The following DNAH1 variants were observed in gnomAD, a reference collection of about 807,000 sequenced individuals.
DNAH1 encodes dynein axonemal heavy chain 1.
A neutral mutation model predicts 484.3 loss-of-function variants in DNAH1; 327 were observed. The ratio of observed to expected loss-of-function variants is 0.68; its 90% CI spans 0.62 to 0.74. DNAH1 has a LOEUF of 0.74. DNAH1 is among the 30% of genes least tolerant of loss of function. DNAH1 has a pLI of 0.00. For synonymous variants in DNAH1, 2,192 were observed against 2,191.9 expected, an observed-to-expected ratio of 1.00 and a Z score of 0.00; for missense variants, 5,052 against 5,546.8, an observed-to-expected ratio of 0.91 and a Z score of 2.83.
rs1701186408 is a variant in DNAH1, at chr3:52,322,566, C to G, written c.124C>G (p.Leu42Val). ...RGLEYNPGKI[L>V]PGSDYGLGNP... ...CCTAGAGTATAACCCGGGGAAGATTCTTCCAGGATCAGACTATGGGTTGGG... is the reference window on the plus strand; with the variant it reads ...CCTAGAGTATAACCCGGGGAAGATTGTTCCAGGATCAGACTATGGGTTGGG... The change falls in exon 2 of 78, where the codon CTT becomes GTT. Residue 42 changes from leucine (L) to valine (V), a missense_variant. This residue lies in a region of DNAH1 where 1,263 missense variants were observed against 1,218.8 expected (regional missense o/e 1.04). Coordinates refer to ENST00000420323, the MANE Select transcript of DNAH1 (RefSeq NM_015512.5). 2.5e-6 allele frequency: 4 copies of G among 1,613,900 alleles called. No homozygotes were observed. The highest frequency in any genetic ancestry group is 3.4e-6 in the Non-Finnish European group (4 of 1,179,836).
rs530170074 is a variant in DNAH1, at chr3:52,364,693, A to C, written c.5300A>C (p.Asn1767Thr). The C allele has an allele frequency of 6.2e-7, 1 of 1,613,744 alleles. No individual in the cohort carries two copies. Among genetic ancestry groups the C allele is most frequent in the Non-Finnish European group, 8.5e-7 (1 of 1,179,782 alleles). The stretch of plus-strand genomic sequence containing the variant: ...AAAACTGTGATCTCGGCTGCTGGGA[A>C]CCTCAAGCGAGAAAACCCCAGCATG... ...AVKTVISAAGNLKRENPSMNE... is the reference protein window; with the variant it reads ...AVKTVISAAGTLKRENPSMNE... The change falls in exon 33 of 78, where the codon AAC becomes ACC. Residue 1767 changes from asparagine to threonine, a missense_variant. By Grantham distance (65) the Asn-to-Thr change is moderately conservative. This residue lies in a region of DNAH1 where 2,929 missense variants were observed against 3,409.4 expected (regional missense o/e 0.86). Coordinates refer to ENST00000420323, the MANE Select transcript of DNAH1 (RefSeq NM_015512.5). The surrounding 1 kb of genome is among the most constrained non-coding windows in gnomAD (Gnocchi z 4.2).
Position 52,382,377 on chromosome 3 carries a change from G to A in DNAH1, c.7863G>A (p.Trp2621Ter), listed in dbSNP as rs771789365. Reference sequence around the variant, plus strand: ...CCAAGAACTACGGCATGTCCGAGTGGCGAGATGATGTGAAGAAGGTCCTGC... The same window carrying A: ...CCAAGAACTACGGCATGTCCGAGTGACGAGATGATGTGAAGAAGGTCCTGC... ...ELSKNYGMSE[W>*]RDDVKKVLLK... Residue 2621 changes from tryptophan (W) to a stop codon, truncating the protein, a stop_gained, in exon 50 of 78, where the codon TGG (tryptophan) becomes TGA (stop). Transcript: ENST00000420323. LOFTEE classifies it high-confidence loss of function. 1 of 1,614,002 alleles carries A rather than the reference G, an allele frequency of 6.2e-7. No individual in the cohort carries two copies. The highest frequency in any genetic ancestry group is 8.5e-7 in the Non-Finnish European group (1 of 1,179,884).
At position 52,395,377 on chromosome 3, in the gene DNAH1, G is replaced by T; in HGVS notation, c.11038G>T (p.Gly3680Cys). Residue 3680 changes from glycine (G) to cysteine (C), a missense_variant, in exon 69 of 78, where the codon GGC (glycine) becomes TGC (cysteine). By Grantham distance (159) the Gly-to-Cys change is radical (BLOSUM62 -3). This residue lies in a region of DNAH1 where 853 missense variants were observed against 899.0 expected (regional missense o/e 0.95). Coordinates refer to ENST00000420323, the MANE Select transcript of DNAH1 (RefSeq NM_015512.5). The surrounding 1 kb of genome is among the most constrained non-coding windows in gnomAD (Gnocchi z 4.4). ...ACCCCTCATCTTTGTGCTGTCACCC[G>T]GCACAGACCCTGCTGCCGACCTCTA... Reference protein sequence around the residue: ...TTPLIFVLSPGTDPAADLYKF... With the variant: ...TTPLIFVLSPCTDPAADLYKF... 1 of 1,613,746 alleles carries T rather than the reference G, an allele frequency of 6.2e-7. No homozygotes were observed. The highest frequency in any genetic ancestry group is 1.7e-5 in the Admixed American group (1 of 59,998).
Position 52,396,759 on chromosome 3 carries a change from A to G in DNAH1, c.11572A>G (p.Lys3858Glu), listed in dbSNP as rs186366418. 9 of 1,613,642 alleles carry G rather than the reference A, an allele frequency of 5.6e-6. No homozygotes were observed. In the East Asian group the frequency reaches 6.7e-5, roughly 12 times the overall value. Reference sequence around the variant, plus strand: ...TCTGCGCATCTGCATCAGCCAGCTCAAGATGTTCCTGGACGAATATGATGA... The same window carrying G: ...TCTGCGCATCTGCATCAGCCAGCTCGAGATGTTCCTGGACGAATATGATGA... ...GDLRICISQL[K>E]MFLDEYDDIP... Residue 3858 changes from lysine to glutamate, a missense_variant, in exon 72 of 78, where the codon AAG becomes GAG. This residue lies in a region of DNAH1 where 853 missense variants were observed against 899.0 expected (regional missense o/e 0.95). Coordinates refer to ENST00000420323, the MANE Select transcript of DNAH1 (RefSeq NM_015512.5).
In DNAH1 at chr3:52,370,103, C is replaced by A; in HGVS notation, c.6139-7C>A. 1 of 1,613,980 alleles carries A rather than the reference C, an allele frequency of 6.2e-7. No homozygotes were observed. The highest frequency in any genetic ancestry group is 8.5e-7 in the Non-Finnish European group (1 of 1,179,876). Reference sequence around the variant, plus strand: ...AGCCATGAGAACTGGGTGCCTACTCCCTGCAGGAATCCATCTCCTTCGTTC... The same window carrying A: ...AGCCATGAGAACTGGGTGCCTACTCACTGCAGGAATCCATCTCCTTCGTTC... On this transcript the variant is annotated splice_polypyrimidine_tract_variant and splice_region_variant and intron_variant, in intron 38 of 77. Transcript: ENST00000420323.
intron 32 of DNAH1, 137 bp downstream of exon 32, chr3:52,363,281 T>G: frequency 4.2e-6 from 5 of 1,179,182 alleles, no homozygotes; most frequent in South Asian, 1.5e-5. Context: ...CAGCAACCCT[T>G]GGAGATAGGA....
At chr3:52,343,421 C>T (rs1349238628) in intron 8 of DNAH1, among the ~76,000 whole-genome samples, 1 of 152,000 alleles carries the variant, frequency 6.6e-6, no homozygotes, top group Non-Finnish European at 1.5e-5. Flanking sequence ...AAGATGGGGT[C>T]ATTTCTGTCC....
In DNAH1 at chr3:52,368,856, A is replaced by G. The variant is rs1275226781; in HGVS notation, c.5881A>G (p.Thr1961Ala). The change falls in exon 37 of 78, where the codon ACG becomes GCG. Residue 1961 changes from threonine (T) to alanine (A), a missense_variant. Transcript: ENST00000420323. This position sits in a 1 kb window ranked among gnomAD's most constrained non-coding sequence, Gnocchi z 4.4. ...TGCCATCTGGATTGAGAACATGAAC[A>G]CGGTGCTGGATGACAACAAGAAGCT... ...VDAIWIENMNTVLDDNKKLCL... is the reference protein window; with the variant it reads ...VDAIWIENMNAVLDDNKKLCL... 1 of 1,614,048 alleles carries G rather than the reference A, an allele frequency of 6.2e-7. No individual in the cohort carries two copies. The highest frequency in any genetic ancestry group is 1.7e-5 in the Admixed American group (1 of 60,032).
At position 52,388,303 on chromosome 3, in the gene DNAH1, A is replaced by G; in HGVS notation, c.9140A>G (p.His3047Arg). ...CQWVRAMHKY[H>R]FVAKAVEPKR... ...TGGGTGCGCGCCATGCACAAGTACC[A>G]CTTTGTGGCCAAGGCCGTGGAGCCC... The change falls in exon 57 of 78, where the codon CAC becomes CGC. Residue 3047 changes from histidine to arginine, a missense_variant. Physicochemically the swap from His to Arg is conservative, Grantham distance 29. Coordinates refer to ENST00000420323, the MANE Select transcript of DNAH1 (RefSeq NM_015512.5). The G allele has an allele frequency of 6.2e-7, 1 of 1,602,474 alleles. No individual in the cohort carries two copies. The highest frequency in any genetic ancestry group is 1.1e-5 in the South Asian group (1 of 88,964).
chr3:52,334,175 A>T lies in DNAH1; in HGVS notation c.1286+1781A>T, dbSNP rs917887993. Among the ~76,000 whole-genome samples the T allele has an allele frequency of 1.1e-4, 16 of 152,360 alleles. No homozygotes were observed. The Middle Eastern group carries it at 0.01, about 97-fold the overall frequency. On this transcript the variant is annotated intron_variant, in intron 8 of 77. Coordinates refer to ENST00000420323, the MANE Select transcript of DNAH1 (RefSeq NM_015512.5). ...TGGTACAGCCTAGTGCTCCTAGGCC[A>T]CAAACCTATACAGGCTGTGATTACT...
intron 45 of DNAH1, 37 bp downstream of exon 45, chr3:52,375,450 A>T (rs1188110658): frequency 1.9e-6 from 3 of 1,595,938 alleles, no homozygotes; most frequent in Non-Finnish European, 2.6e-6. Context: ...ACAAAGGCAG[A>T]AGCCCAGGCC....
Position 52,354,986 on chromosome 3 carries a change from A to AT in DNAH1, c.3628dup (p.Ser1210PhefsTer8). The AT allele has an allele frequency of 1.9e-6, 3 of 1,613,978 alleles. No individual in the cohort carries two copies. Among genetic ancestry groups the AT allele is most frequent in the Non-Finnish European group, 2.5e-6 (3 of 1,179,892 alleles). On this transcript the variant is annotated frameshift_variant, in exon 21 of 78. Coordinates refer to ENST00000420323, the MANE Select transcript of DNAH1 (RefSeq NM_015512.5). LOFTEE classifies it high-confidence loss of function. ...ACATCGTCATGACCCAGAATATGTC[A>AT]TTTTCACCCTACAAGAAGCCCTTTG...
upstream of DNAH1, among the ~76,000 whole-genome samples, chr3:52,315,084 C>A (rs1700903791): frequency 6.6e-6 from 1 of 152,140 alleles, no homozygotes; most frequent in Non-Finnish European, 1.5e-5. Context: ...CTGAGGGCAG[C>A]TGAGCAATGG....
intron 28 of DNAH1, among the ~76,000 whole-genome samples, 169 bp from the exon 29 acceptor site, chr3:52,360,995 C>T (rs551552224): frequency 3.5e-4 from 53 of 152,234 alleles, no homozygotes; most frequent in African/African-American, 1.3e-3. Flanking sequence ...AGGGAACGCG[C>T]TGGGCAGGTG....
chr3:52,348,498 C>T (rs1702235385), intron 12 of DNAH1, among the ~76,000 whole-genome samples: 1 of 152,220 alleles, frequency 6.6e-6, no homozygotes, highest in African/African-American at 2.4e-5. Context: ...TGCACACAGC[C>T]CACTTCCAGA....
chr3:52,361,840 C>T lies in DNAH1; in HGVS notation c.4980+74C>T. ...CCGCCATACTGCTCCCCATTGCAGGCTGAGAAGCCAGGCGCTAAGGTCCAC... is the reference window on the plus strand; with the variant it reads ...CCGCCATACTGCTCCCCATTGCAGGTTGAGAAGCCAGGCGCTAAGGTCCAC... On this transcript the variant is annotated intron_variant, in intron 30 of 77. Transcript: ENST00000420323. The surrounding 1 kb of genome is among the most constrained non-coding windows in gnomAD (Gnocchi z 5.6). The T allele has an allele frequency of 6.8e-7, 1 of 1,474,378 alleles. No homozygotes were observed. The highest frequency in any genetic ancestry group is 9.2e-7 in the Non-Finnish European group (1 of 1,084,648). The allele number at this position is 1,474,378 out of a possible 1,614,324, so 91.3% of individuals were successfully genotyped here.
chr3:52,321,478 A>G (rs927811486), intron 1 of DNAH1, among the ~76,000 whole-genome samples: 1 of 152,090 alleles, frequency 6.6e-6, no homozygotes, highest in South Asian at 2.1e-4. Flanking sequence ...TTTTTGCACT[A>G]GCATTATGTA....
chr3:52,367,600 G>C (rs181429252), intron 36 of DNAH1, among the ~76,000 whole-genome samples: 2 of 150,766 alleles, frequency 1.3e-5, no homozygotes, highest in African/African-American at 4.9e-5. Context: ...TTGAGACGAA[G>C]TTTCGCTCTT....
At chr3:52,341,634 A>G (rs1701945160) in intron 8 of DNAH1, among the ~76,000 whole-genome samples, 1 of 146,382 alleles carries the variant, frequency 6.8e-6, no homozygotes, top group Non-Finnish European at 1.5e-5. Context: ...TGACTTTTAT[A>G]TATCTGCATC....
Sources: gnomAD v4.1 joint callset for allele counts (sites outside exome capture counted in the v4.1 genomes callset) on GRCh38, gnomAD v4.1.1 for gene constraint, gnomAD v4.1.1 regional missense constraint, Gnocchi (gnomAD v3.1) non-coding constraint, MANE v1.5 for transcripts, NCBI Gene and HGNC (gene_info 2026-07-23, HGNC 2026-07-21) for gene names.